PDE11A: variants seen among roughly 807,000 people sequenced by gnomAD.
PDE11A encodes the protein dual 3',5'-cyclic-AMP and -GMP phosphodiesterase 11A.
PDE11A carries 100 observed loss-of-function variants against 100.5 expected under a neutral mutation model. The observed-to-expected ratio is 1.00, with a 90% CI of 0.85 to 1.18. PDE11A has a LOEUF of 1.18. PDE11A is among the 50% of genes most tolerant of loss of function. The probability of loss-of-function intolerance (pLI) is 0.00; values close to 1 mark genes in which losing one functional copy is unlikely to be tolerated. For synonymous variants in PDE11A, 381 were observed against 420.8 expected, an observed-to-expected ratio of 0.91 and a Z score of 1.16; for missense variants, 1,141 against 1,152.6, an observed-to-expected ratio of 0.99 and a Z score of 0.15.
At chr2:177,895,136 G>A (rs949469455) in intron 4 of PDE11A, among the ~76,000 whole-genome samples, 1 of 152,002 alleles carries the variant, frequency 6.6e-6, no homozygotes, top group African/African-American at 2.4e-5. Context: ...AAAAAAAGGA[G>A]TGAGTTTCAT....
intron 1 of PDE11A, among the ~76,000 whole-genome samples, chr2:178,051,686 C>G: frequency 6.6e-6 from 1 of 151,084 alleles, no homozygotes; most frequent in East Asian, 1.9e-4. Context: ...TGGAAAACAA[C>G]GACAAAAAAA....
At chr2:177,906,867 GT>G (rs1480561922) in intron 2 of PDE11A, among the ~76,000 whole-genome samples, 1 of 152,182 alleles carries the variant, frequency 6.6e-6, no homozygotes, top group Non-Finnish European at 1.5e-5. Flanking sequence ...TTTCCTTGTA[GT>G]TTTCTGGAGG....
intron 2 of PDE11A, among the ~76,000 whole-genome samples, chr2:177,933,476 T>C (rs2085234434): frequency 6.6e-6 from 1 of 151,754 alleles, no homozygotes; most frequent in Non-Finnish European, 1.5e-5. Context: ...AGGTCAGGAG[T>C]TCGAGACCAG....
At chr2:177,766,916 C>T (rs1219257078) in intron 10 of PDE11A, among the ~76,000 whole-genome samples, 3 of 152,088 alleles carry the variant, frequency 2.0e-5, no homozygotes, top group Non-Finnish European at 4.4e-5. Flanking sequence ...ACCCTTTGTT[C>T]TCAAATTTAA....
chr2:177,701,122 T>C lies in PDE11A; in HGVS notation c.2243A>G (p.Glu748Gly), dbSNP rs768429888. Reference protein sequence around the residue: ...FNHAVMILQSEGHNIFANLSS... With the variant: ...FNHAVMILQSGGHNIFANLSS... Reference sequence around the variant, plus strand: ...AGAAGCAGAACATCAGGCCTGTACCTCACTTTGAAGGATCATCACGGCGTG... The same window carrying C: ...AGAAGCAGAACATCAGGCCTGTACCCCACTTTGAAGGATCATCACGGCGTG... Residue 748 changes from glutamate (E) to glycine (G), a missense_variant and splice_region_variant, in exon 14 of 20, where the codon GAG (glutamate) becomes GGG (glycine). By Grantham distance (98) the Glu-to-Gly change is moderately conservative. Coordinates refer to ENST00000286063, the MANE Select transcript of PDE11A (RefSeq NM_016953.4). 3.9e-6 allele frequency: 6 copies of C among 1,547,266 alleles called. No homozygotes were observed. The highest frequency in any genetic ancestry group is 3.3e-5 in the Admixed American group (2 of 59,898).
intron 1 of PDE11A, among the ~76,000 whole-genome samples, chr2:178,105,409 A>T (rs887995116): frequency 2.0e-5 from 3 of 152,194 alleles, no homozygotes; most frequent in Admixed American, 6.5e-5. Flanking sequence ...CAGTAAGCTG[A>T]GATTGCGCCA....
At chr2:178,086,344 G>A (rs932638021) in intron 2 of PDE11A, among the ~76,000 whole-genome samples, 1 of 151,752 alleles carries the variant, frequency 6.6e-6, no homozygotes, top group African/African-American at 2.4e-5. Flanking sequence ...GATTCAGCAT[G>A]AGAGAGTTCT....
intron 4 of PDE11A, chr2:177,888,802 G>T (rs2084481930): frequency 4.8e-6 from 1 of 206,520 alleles, no homozygotes; most frequent in Non-Finnish European, 8.5e-6. Context: ...GCACAGTGTT[G>T]TAATACGACC....
At chr2:177,638,032 C>T (rs1187993022) in intron 19 of PDE11A, among the ~76,000 whole-genome samples, 2 of 131,808 alleles carry the variant, frequency 1.5e-5, no homozygotes, top group African/African-American at 6.2e-5. Flanking sequence ...TGGAGTCTCG[C>T]TCTGTCACCC....
At chr2:177,785,316 T>C (rs1028327991) in intron 9 of PDE11A, among the ~76,000 whole-genome samples, 2 of 152,026 alleles carry the variant, frequency 1.3e-5, no homozygotes, top group Admixed American at 6.6e-5. Flanking sequence ...AAAAAACTGA[T>C]GATGAGCACT....
At chr2:177,722,320 G>T (rs2081542240) in intron 12 of PDE11A, among the ~76,000 whole-genome samples, 1 of 152,168 alleles carries the variant, frequency 6.6e-6, no homozygotes, top group Non-Finnish European at 1.5e-5. Flanking sequence ...TGGTGCGGGA[G>T]AATTTATTTT....
rs375832741 is a variant in PDE11A, at chr2:177,827,485, A to G, written c.1501-7190T>C. ...CTTTTCTATTTAAATGTTGAGTCCA[A>G]GTGTTCATTCTTATTGTAGGCAAAA... On this transcript the variant is annotated intron_variant, in intron 6 of 19. Transcript: ENST00000286063. Among the ~76,000 whole-genome samples, 13 of 152,344 alleles carry G rather than the reference A, an allele frequency of 8.5e-5. No individual in the cohort carries two copies. In the South Asian group the frequency reaches 2.7e-3, roughly 32 times the overall value.
At chr2:177,770,714 G>A (rs1248008547) in intron 9 of PDE11A, among the ~76,000 whole-genome samples, 1 of 152,198 alleles carries the variant, frequency 6.6e-6, no homozygotes, top group Middle Eastern at 3.2e-3. Flanking sequence ...CTTGTTGTGT[G>A]AGACAAATAA....
chr2:177,857,351 T>G (rs1392130864), intron 5 of PDE11A, among the ~76,000 whole-genome samples: 1 of 151,888 alleles, frequency 6.6e-6, no homozygotes, highest in Non-Finnish European at 1.5e-5. Context: ...TGAATCCACA[T>G]GAAGAATAAA....
chr2:178,072,640 G>A lies in PDE11A; in HGVS notation c.-203C>T. The stretch of plus-strand genomic sequence containing the variant: ...GAGTGGCTGGCGCCGACCCCACCCC[G>A]TGGTCCTGCTACTCCTGCTCCGCAC... On this transcript the variant is annotated 5_prime_UTR_variant, in exon 1 of 20. The change creates a new upstream start codon in the 5' untranslated region. Coordinates refer to ENST00000286063, the MANE Select transcript of PDE11A (RefSeq NM_016953.4). The A allele has an allele frequency of 1.4e-6, 2 of 1,476,376 alleles. No individual in the cohort carries two copies. Among genetic ancestry groups the A allele is most frequent in the Non-Finnish European group, 1.8e-6 (2 of 1,116,850 alleles). 91.5% of individuals were successfully genotyped at this position (1,476,376 alleles called of 1,614,324 possible). A position where few individuals can be genotyped will look rare whatever the true frequency, so the allele number is the denominator to read the frequency against.
intron 2 of PDE11A, among the ~76,000 whole-genome samples, chr2:177,972,232 A>G (rs2085780868): frequency 6.6e-6 from 1 of 152,232 alleles, no homozygotes; most frequent in South Asian, 2.1e-4. Flanking sequence ...CCTGACACTG[A>G]AGGGCATGCA....
At chr2:177,795,881 C>T (rs1172117971) in intron 9 of PDE11A, among the ~76,000 whole-genome samples, 1 of 145,014 alleles carries the variant, frequency 6.9e-6, no homozygotes, top group African/African-American at 2.5e-5. Flanking sequence ...AAGCAAAAGT[C>T]TCCCATGTTG....
intron 6 of PDE11A, among the ~76,000 whole-genome samples, chr2:177,838,662 G>T (rs1437348641): frequency 6.6e-6 from 1 of 152,206 alleles, no homozygotes; most frequent in East Asian, 1.9e-4. Flanking sequence ...CTGGTTGCAT[G>T]ACCGTTTGGA....
chr2:178,026,472 C>G (rs2086479504), intron 1 of PDE11A, among the ~76,000 whole-genome samples: 1 of 151,968 alleles, frequency 6.6e-6, no homozygotes, highest in Admixed American at 6.6e-5. Context: ...ACCAGCCTGG[C>G]CAACATGGTG....
Sources: gnomAD v4.1 joint callset for allele counts (sites outside exome capture counted in the v4.1 genomes callset) on GRCh38, gnomAD v4.1.1 for gene constraint, MANE v1.5 for transcripts, NCBI Gene and HGNC (gene_info 2026-07-23, HGNC 2026-07-21) for gene names.